SCFD2: variants seen among roughly 807,000 people sequenced by gnomAD.
The protein encoded by SCFD2 is sec1 family domain containing 2.
In SCFD2, 54 loss-of-function variants were observed where a neutral mutation model predicts 58.9. The ratio of observed to expected loss-of-function variants is 0.92; its 90% CI spans 0.74 to 1.15. SCFD2 has a LOEUF of 1.15. Among genes scored for constraint, SCFD2 ranks in the 50% most tolerant of loss-of-function variants. SCFD2 has a pLI of 0.00. For missense variants in SCFD2, 805 were observed against 836.6 expected, an observed-to-expected ratio of 0.96 and a Z score of 0.47; for synonymous variants, 321 against 335.9, an observed-to-expected ratio of 0.96 and a Z score of 0.49.
At chr4:53,095,538 C>T (rs1162028703) in intron 5 of SCFD2, among the ~76,000 whole-genome samples, 1 of 152,126 alleles carries the variant, frequency 6.6e-6, no homozygotes, top group African/African-American at 2.4e-5. Flanking sequence ...CCCAGTCTTA[C>T]TCCCCTCTTC....
intron 5 of SCFD2, among the ~76,000 whole-genome samples, chr4:53,059,893 C>A (rs940646370): frequency 7.2e-5 from 11 of 152,026 alleles, no homozygotes; most frequent in African/African-American, 2.7e-4. Context: ...GAATTTTATG[C>A]AGTAAAAAAT....
At chr4:52,921,981 C>T (rs1306166650) in intron 5 of SCFD2, among the ~76,000 whole-genome samples, 1 of 152,058 alleles carries the variant, frequency 6.6e-6, no homozygotes, top group Non-Finnish European at 1.5e-5. Context: ...CTGAGGGGCC[C>T]CAGAAGGATG....
chr4:52,981,834 A>G (rs1721381209), intron 5 of SCFD2, among the ~76,000 whole-genome samples: 1 of 152,198 alleles, frequency 6.6e-6, no homozygotes, highest in Non-Finnish European at 1.5e-5. Flanking sequence ...GGGAAATGCT[A>G]GGATCTGGTC....
Position 53,352,965 on chromosome 4 carries a change from G to A in SCFD2, c.839-199C>T, listed in dbSNP as rs375663136. 1.6e-4 allele frequency among the ~76,000 whole-genome samples: 25 copies of A among 152,278 alleles called. No homozygotes were observed. The South Asian group carries it at 5.2e-3, about 32-fold the overall frequency. ...CATGTACCTCACAGGTTGTAATTAA[G>A]GCTCCATGAGGGCAGAACTCATGTC... On this transcript the variant is annotated intron_variant, in intron 1 of 8. Coordinates refer to ENST00000401642, the MANE Select transcript of SCFD2 (RefSeq NM_152540.4).
intron 5 of SCFD2, among the ~76,000 whole-genome samples, chr4:53,089,002 C>G (rs923306225): frequency 6.6e-6 from 1 of 151,934 alleles, no homozygotes; most frequent in South Asian, 2.1e-4. Flanking sequence ...TGGATAGCAC[C>G]CCTACTTCTT....
chr4:53,300,403 C>A (rs1376954230), intron 3 of SCFD2, among the ~76,000 whole-genome samples: 6 of 152,146 alleles, frequency 3.9e-5, no homozygotes, highest in Non-Finnish European at 8.8e-5. Context: ...AACTAACTCT[C>A]CTAAATATAT....
chr4:53,013,834 G>A (rs906715474), intron 5 of SCFD2, among the ~76,000 whole-genome samples: 1 of 152,138 alleles, frequency 6.6e-6, no homozygotes, highest in African/African-American at 2.4e-5. Context: ...GTTTACCACT[G>A]AAGGAAAGGT....
intron 5 of SCFD2, among the ~76,000 whole-genome samples, chr4:53,113,831 A>AT (rs1220250183): frequency 1.2e-5 from 1 of 86,192 alleles, no homozygotes; most frequent in Non-Finnish European, 3.1e-5. Flanking sequence ...GTCAATAACA[A>AT]TGAGGCATTA....
chr4:52,963,616 T>C (rs1297785607), intron 5 of SCFD2, among the ~76,000 whole-genome samples: 1 of 152,232 alleles, frequency 6.6e-6, no homozygotes, highest in African/African-American at 2.4e-5. Context: ...CTCAACTGTC[T>C]GCAAAAGTCT....
chr4:53,162,034 G>A (rs1388914271), intron 4 of SCFD2, among the ~76,000 whole-genome samples: 2 of 152,054 alleles, frequency 1.3e-5, no homozygotes, highest in Non-Finnish European at 2.9e-5. Flanking sequence ...TCTCCAGCCA[G>A]TGCCAACTCA....
intron 5 of SCFD2, among the ~76,000 whole-genome samples, chr4:52,983,322 G>A (rs1367649256): frequency 2.6e-5 from 4 of 152,328 alleles, no homozygotes; most frequent in Non-Finnish European, 4.4e-5. Flanking sequence ...GCAGAGAATT[G>A]TGGTGATATT....
Position 53,008,329 on chromosome 4 carries a change from A to AC in SCFD2, c.1562-87460dup, listed in dbSNP as rs1393687866. ...ACTGGTGCAGTCCATGTAGAATGAC[A>AC]CCCCCCCTTCCCCTCTCCCTCCCCA... On this transcript the variant is annotated intron_variant, in intron 5 of 8. Coordinates refer to ENST00000401642, the MANE Select transcript of SCFD2 (RefSeq NM_152540.4). Among the ~76,000 whole-genome samples the AC allele has an allele frequency of 3.3e-5, 5 of 151,918 alleles. No individual in the cohort carries two copies. The East Asian group carries it at 9.6e-4, about 29-fold the overall frequency.
chr4:52,874,608 G>A (rs544256332), intron 8 of SCFD2, among the ~76,000 whole-genome samples: 1 of 152,304 alleles, frequency 6.6e-6, no homozygotes, highest in African/African-American at 2.4e-5. Context: ...GAGCCTAGAA[G>A]TCCAAGATCA....
chr4:53,109,542 T>G (rs989739846), intron 5 of SCFD2, among the ~76,000 whole-genome samples: 16 of 152,132 alleles, frequency 1.1e-4, no homozygotes, highest in Non-Finnish European at 2.2e-4. Flanking sequence ...AAAATCAATG[T>G]GCAAAAATCA....
At chr4:53,124,884 A>T (rs976472236) in intron 5 of SCFD2, among the ~76,000 whole-genome samples, 6 of 152,224 alleles carry the variant, frequency 3.9e-5, no homozygotes, top group Admixed American at 3.9e-4. Context: ...AACTTAATTA[A>T]TAGAAGAGAG....
chr4:53,037,169 T>C (rs554861838), intron 5 of SCFD2, among the ~76,000 whole-genome samples: 3 of 152,298 alleles, frequency 2.0e-5, no homozygotes, highest in South Asian at 2.1e-4. Context: ...AAATAAATTA[T>C]AGGCCACTTC....
At chr4:52,965,384 C>A (rs1211892130) in intron 5 of SCFD2, among the ~76,000 whole-genome samples, 2 of 152,146 alleles carry the variant, frequency 1.3e-5, no homozygotes, top group Non-Finnish European at 2.9e-5. Context: ...CACCCCTAAC[C>A]AATGCCCATT....
At chr4:52,887,418 C>T (rs921710528) in intron 7 of SCFD2, among the ~76,000 whole-genome samples, 1 of 152,084 alleles carries the variant, frequency 6.6e-6, no homozygotes, top group African/African-American at 2.4e-5. Flanking sequence ...AAATGCAAAA[C>T]GACCAATAAC....
intron 5 of SCFD2, among the ~76,000 whole-genome samples, chr4:53,006,834 A>T (rs1721978753): frequency 6.6e-6 from 1 of 152,136 alleles, no homozygotes; most frequent in Non-Finnish European, 1.5e-5. Flanking sequence ...TGGATTCAGG[A>T]ACAGGCTGGG....
Sources: allele counts gnomAD v4.1 joint callset (sites outside exome capture counted in the v4.1 genomes callset), GRCh38; gene constraint gnomAD v4.1.1; transcripts MANE v1.5; gene names NCBI Gene and HGNC (gene_info 2026-07-23, HGNC 2026-07-21).